The following ESR1 variants were observed in gnomAD, a reference collection of about 807,000 sequenced individuals.
ESR1 encodes the protein estrogen receptor.
Under a neutral mutation model 52.7 loss-of-function variants are expected in ESR1, and 12 were observed. That is an observed-to-expected ratio of 0.23 (90% CI 0.15 to 0.37). The LOEUF is 0.37. Ranked by LOEUF, ESR1 falls within the 10% of genes least tolerant of loss-of-function variation. The pLI is 1.00. For synonymous variants in ESR1, 305 were observed against 316.8 expected, an observed-to-expected ratio of 0.96 and a Z score of 0.39; for missense variants, 584 against 779.7, an observed-to-expected ratio of 0.75 and a Z score of 2.99.
intron 1 of ESR1, among the ~76,000 whole-genome samples, chr6:151,811,618 TG>T (rs1194693850): frequency 6.6e-6 from 1 of 152,230 alleles, no homozygotes; most frequent in Non-Finnish European, 1.5e-5. Context: ...TTCTCAACTT[TG>T]AATAGAGACT....
At chr6:152,084,405 A>G (rs2049509145) in intron 6 of ESR1, among the ~76,000 whole-genome samples, 1 of 150,958 alleles carries the variant, frequency 6.6e-6, no homozygotes, top group African/African-American at 2.5e-5. Flanking sequence ...CCTGTACCCT[A>G]GAACTTAAAG....
At chr6:151,831,215 T>C (rs985129474) in intron 1 of ESR1, among the ~76,000 whole-genome samples, 6 of 151,736 alleles carry the variant, frequency 4.0e-5, no homozygotes, top group African/African-American at 1.5e-4. Context: ...CAGTCACAGC[T>C]CACTGCAGCC....
At chr6:151,774,773 G>T (rs1785813124) in intron 2 of ESR1, among the ~76,000 whole-genome samples, 1 of 152,134 alleles carries the variant, frequency 6.6e-6, no homozygotes, top group South Asian at 2.1e-4. Context: ...AGAATTAGCT[G>T]ATTAGGTATG....
chr6:151,760,458 T>C (rs773882350), intron 2 of ESR1, among the ~76,000 whole-genome samples: 17 of 152,244 alleles, frequency 1.1e-4, no homozygotes, highest in Non-Finnish European at 2.4e-4. Context: ...AATGTAATCT[T>C]CTGTCTTCTT....
intron 4 of ESR1, among the ~76,000 whole-genome samples, chr6:151,953,712 A>G (rs117248280): frequency 0.036 from 5,148 of 144,572 alleles, 113 homozygotes; most frequent in East Asian, 0.093. Flanking sequence ...GACTCCGTCT[A>G]AAAAAAAAAA....
chr6:151,710,252 A>G (rs1780495135), intron 2 of ESR1, among the ~76,000 whole-genome samples: 2 of 151,486 alleles, frequency 1.3e-5, no homozygotes, highest in African/African-American at 4.8e-5. Flanking sequence ...ATTATTTATA[A>G]TGTTAGCCTG....
intron 3 of ESR1, among the ~76,000 whole-genome samples, chr6:151,905,183 G>A (rs948013934): frequency 6.6e-6 from 1 of 152,144 alleles, no homozygotes; most frequent in African/African-American, 2.4e-5. Flanking sequence ...GGCAGAGCTG[G>A]TGGAGGAAAC....
chr6:151,721,189 CTGA>C (rs1781431359), intron 2 of ESR1, among the ~76,000 whole-genome samples: 1 of 152,154 alleles, frequency 6.6e-6, no homozygotes, highest in Non-Finnish European at 1.5e-5. Flanking sequence ...AGATGTTTAT[CTGA>C]AGGACTAATG....
At chr6:152,071,135 C>T (rs766401779) in intron 6 of ESR1, among the ~76,000 whole-genome samples, 2 of 152,124 alleles carry the variant, frequency 1.3e-5, no homozygotes, top group Non-Finnish European at 2.9e-5. Context: ...TCCCTAGCAG[C>T]GACCCAGTGC....
chr6:152,076,641 A>G (rs1011559492), intron 6 of ESR1, among the ~76,000 whole-genome samples: 2 of 152,210 alleles, frequency 1.3e-5, no homozygotes, highest in African/African-American at 2.4e-5. Context: ...TGATAGTGAT[A>G]TGAACAATAA....
intron 6 of ESR1, among the ~76,000 whole-genome samples, chr6:152,115,778 A>AATTATTAT (rs1380953458): frequency 6.6e-6 from 1 of 152,202 alleles, no homozygotes; most frequent in Non-Finnish European, 1.5e-5. Context: ...TTATTATACA[A>AATTATTAT]ACTAGCCATG....
At chr6:151,933,127 C>T (rs1393270358) in intron 3 of ESR1, among the ~76,000 whole-genome samples, 2 of 151,916 alleles carry the variant, frequency 1.3e-5, no homozygotes, top group Non-Finnish European at 2.9e-5. Context: ...TCTTTTATTT[C>T]ATTGAGCAGT....
upstream of ESR1, among the ~76,000 whole-genome samples, chr6:151,690,216 AT>A (rs1228891030): frequency 2.6e-5 from 4 of 151,646 alleles, no homozygotes; most frequent in East Asian, 1.9e-4. Flanking sequence ...ATGATGTTTT[AT>A]TTTTTTTTCC....
chr6:151,977,741 G>T (rs2039578494), intron 4 of ESR1, among the ~76,000 whole-genome samples: 1 of 152,014 alleles, frequency 6.6e-6, no homozygotes, highest in Non-Finnish European at 1.5e-5. Flanking sequence ...GTTGCAGTGA[G>T]CCAAAATCGC....
intron 4 of ESR1, among the ~76,000 whole-genome samples, chr6:151,996,542 T>C (rs1217514185): frequency 1.3e-5 from 2 of 152,086 alleles, no homozygotes; most frequent in Non-Finnish European, 1.5e-5. Context: ...TGGGCTCTTC[T>C]TAGATTGCAA....
At chr6:151,759,064 C>T (rs1045017722) in intron 2 of ESR1, among the ~76,000 whole-genome samples, 4 of 151,922 alleles carry the variant, frequency 2.6e-5, no homozygotes, top group Non-Finnish European at 4.4e-5. Context: ...ATCAGGAGGT[C>T]AAGAGATCAA....
At chr6:152,013,470 A>G (rs1263634871) in intron 5 of ESR1, among the ~76,000 whole-genome samples, 1 of 152,146 alleles carries the variant, frequency 6.6e-6, no homozygotes, top group Non-Finnish European at 1.5e-5. Context: ...TTCAATTTTT[A>G]TAATGTTGAC....
intron 1 of ESR1, among the ~76,000 whole-genome samples, chr6:151,666,696 C>CCCTCCT (rs56871778): frequency 0.032 from 3,116 of 96,646 alleles, 78 homozygotes; most frequent in East Asian, 0.11. Flanking sequence ...TTCCCCATCC[C>CCCTCCT]CCTCCTCCTC....
At chr6:151,886,041 G>C (rs1370262905) in intron 3 of ESR1, among the ~76,000 whole-genome samples, 1 of 151,392 alleles carries the variant, frequency 6.6e-6, no homozygotes, top group Non-Finnish European at 1.5e-5. Flanking sequence ...GAGCACTGCT[G>C]GGTTTTTTTT....
Sources: gnomAD v4.1 joint callset for allele counts (sites outside exome capture counted in the v4.1 genomes callset) on GRCh38, gnomAD v4.1.1 for gene constraint, MANE v1.5 for transcripts, NCBI Gene and HGNC (gene_info 2026-07-23, HGNC 2026-07-21) for gene names.